C10orf67: variants seen among roughly 807,000 people sequenced by gnomAD.
C10orf67 encodes the protein chromosome 10 open reading frame 67, also known as uncharacterized protein C10orf67, mitochondrial.
In C10orf67, 60 loss-of-function variants were observed where a neutral mutation model predicts 35.6. The observed-to-expected ratio is 1.68, with a 90% confidence interval of 1.37 to 2.09. The LOEUF (loss-of-function observed/expected upper bound fraction) is 2.09. Among genes scored for constraint, C10orf67 ranks in the 30% most tolerant of loss-of-function variants. The pLI, the probability that C10orf67 is intolerant of heterozygous loss-of-function variation, is 0.00. For synonymous variants in C10orf67, 167 were observed against 115.8 expected, an observed-to-expected ratio of 1.44 and a Z score of -2.84; for missense variants, 474 against 330.2, an observed-to-expected ratio of 1.44 and a Z score of -3.38.
At chr10:23,303,599 G>T (rs1347056165) in intron 4 of C10orf67, 140 bp from the exon 5 acceptor site, 2 of 424,266 alleles carry the variant, frequency 4.7e-6, no homozygotes, top group Non-Finnish European at 8.4e-6. Flanking sequence ...TTTTGTGAAG[G>T]TTATTTTTGT....
chr10:23,292,545 G>A (rs527741631), intron 5 of C10orf67, among the ~76,000 whole-genome samples: 9 of 151,948 alleles, frequency 5.9e-5, no homozygotes, highest in Non-Finnish European at 1.2e-4. Context: ...AATTTCTCTC[G>A]ACTGATTTCC....
Position 23,227,072 on chromosome 10 carries a change from C to T in C10orf67, c.1435-3254G>A, listed in dbSNP as rs901489922. ...TCCAATCAATAGAAAAAGAGGGAAT[C>T]CTCCCTAACTCATTTTATGAGGCCA... On this transcript the variant is annotated intron_variant, in intron 13 of 15. Coordinates refer to ENST00000636213, the MANE Select transcript of C10orf67 (RefSeq NM_001371909.1). 3.3e-5 allele frequency among the ~76,000 whole-genome samples: 5 copies of T among 152,314 alleles called. No individual in the cohort carries two copies. The South Asian group carries it at 6.2e-4, about 19-fold the overall frequency.
Position 23,333,106 on chromosome 10 carries a change from G to T in C10orf67, c.283C>A (p.Leu95Met). Residue 95 changes from leucine (L) to methionine (M), a missense_variant, in exon 2 of 16, where the codon CTG (leucine) becomes ATG (methionine). Leu to Met is a conservative substitution (Grantham distance 15). Transcript: ENST00000636213. ...HATQTDSSEI[L>M]SVKELSSSTQ... The stretch of plus-strand genomic sequence containing the variant: ...GATGAACTCAATTCTTTTACTGACA[G>T]TATTTCACTGGAATCAGTTTGAGTG... 1 of 1,611,192 alleles carries T rather than the reference G, an allele frequency of 6.2e-7. No individual in the cohort carries two copies.
chr10:23,313,208 G>C (rs1396363163), intron 4 of C10orf67, among the ~76,000 whole-genome samples: 1 of 152,234 alleles, frequency 6.6e-6, no homozygotes, highest in Non-Finnish European at 1.5e-5. Context: ...AATGTGGACT[G>C]TAATTGCTAA....
At chr10:23,293,142 T>C (rs1843773262) in intron 5 of C10orf67, among the ~76,000 whole-genome samples, 1 of 152,210 alleles carries the variant, frequency 6.6e-6, no homozygotes, top group African/African-American at 2.4e-5. Context: ...AGAAGAACTA[T>C]TTGAATTCAT....
chr10:23,273,513 T>C (rs1843089217), intron 8 of C10orf67, among the ~76,000 whole-genome samples: 1 of 152,210 alleles, frequency 6.6e-6, no homozygotes, highest in African/African-American at 2.4e-5. Context: ...CTCATTGTAC[T>C]ATAGCATCAG....
intron 7 of C10orf67, among the ~76,000 whole-genome samples, chr10:23,284,720 C>A (rs929867573): frequency 9.4e-5 from 14 of 148,172 alleles, no homozygotes; most frequent in African/African-American, 2.5e-4. Flanking sequence ...AACAAACAAA[C>A]AAAAAAACCT....
chr10:23,334,366 C>T (rs1845592231), intron 1 of C10orf67, among the ~76,000 whole-genome samples: 2 of 152,170 alleles, frequency 1.3e-5, no homozygotes, highest in Admixed American at 1.3e-4. Context: ...TCAAACTTAC[C>T]ACAACTGTTT....
intron 4 of C10orf67, among the ~76,000 whole-genome samples, chr10:23,308,204 A>C (rs927925797): frequency 6.6e-6 from 1 of 152,108 alleles, no homozygotes; most frequent in Non-Finnish European, 1.5e-5. Flanking sequence ...TCTACCCCTA[A>C]TTCTGTACCA....
intron 1 of C10orf67, among the ~76,000 whole-genome samples, chr10:23,336,527 T>C (rs950362512): frequency 1.3e-5 from 2 of 152,206 alleles, no homozygotes; most frequent in Non-Finnish European, 2.9e-5. Context: ...TTTCAGTATA[T>C]TTTTTGAGAC....
intron 4 of C10orf67, chr10:23,317,407 C>T (rs1844768236): frequency 6.6e-6 from 1 of 152,210 alleles, no homozygotes; most frequent in Non-Finnish European, 1.5e-5. Flanking sequence ...TGGGCAGCTG[C>T]AGCTGCCTCT....
chr10:23,334,976 G>T (rs1405137305), intron 1 of C10orf67, among the ~76,000 whole-genome samples: 1 of 152,112 alleles, frequency 6.6e-6, no homozygotes, highest in Admixed American at 6.5e-5. Context: ...AGCACTTGAG[G>T]TCAGAAGTCT....
chr10:23,290,022 G>C, intron 6 of C10orf67, 64 bp from the exon 7 acceptor site: 2 of 709,660 alleles, frequency 2.8e-6, no homozygotes, highest in Non-Finnish European at 5.2e-6. Flanking sequence ...GTATTTAAAC[G>C]GCCTGCTTCA....
intron 13 of C10orf67, among the ~76,000 whole-genome samples, chr10:23,232,775 T>C (rs16923138): frequency 0.031 from 4,689 of 152,230 alleles, 231 homozygotes; most frequent in African/African-American, 0.11. Context: ...TCATTAACTA[T>C]GGAGGACAGA....
In C10orf67 at chr10:23,272,904, C is replaced by T. The variant is rs769292263; in HGVS notation, c.976-5650G>A. ...TATTATTAACTGTACATGTTTTATG[C>T]GTATTTTGCCATGTTTATCCATAAG... On this transcript the variant is annotated intron_variant, in intron 8 of 15. Transcript: ENST00000636213. Among the ~76,000 whole-genome samples the T allele has an allele frequency of 6.2e-4, 94 of 152,210 alleles. 1 individual carries two copies. The highest frequency in any genetic ancestry group is 2.2e-3 in the African/African-American group (90 of 41,540).
At position 23,344,793 on chromosome 10, in the gene C10orf67, T is replaced by C. The variant is rs958310314; in HGVS notation, c.-19A>G. ...AGGCCATCATAAGAGGAGAGCAGGC[T>C]GCCTAATAAGCTGTCTCCACCTGCC... On this transcript the variant is annotated 5_prime_UTR_variant, in exon 1 of 16. Coordinates refer to ENST00000636213, the MANE Select transcript of C10orf67 (RefSeq NM_001371909.1). The C allele has an allele frequency of 4.5e-6, 7 of 1,546,874 alleles. No homozygotes were observed. The African/African-American group carries it at 6.9e-5, about 15-fold the overall frequency.
At chr10:23,250,212 G>A (rs1842413205) in intron 12 of C10orf67, among the ~76,000 whole-genome samples, 1 of 152,210 alleles carries the variant, frequency 6.6e-6, no homozygotes, top group South Asian at 2.1e-4. Context: ...TATTAAGCGA[G>A]TGAGTCTGTC....
In C10orf67 at chr10:23,291,223, C is replaced by T. The variant is rs1440502457; in HGVS notation, c.759G>A (p.Leu253=). Reference sequence around the variant, plus strand: ...GCCTCTCATTTTCCACTTTGTACTCCAAATTTTCCTTTTCTAGGTTTGATT... The same window carrying T: ...GCCTCTCATTTTCCACTTTGTACTCTAAATTTTCCTTTTCTAGGTTTGATT... ...SPKSNLEKEN[L]EYKVENERLL... Residue 253 remains leucine (L), a synonymous_variant, in exon 6 of 16, where the codon TTG becomes TTA. Transcript: ENST00000636213. 2.8e-6 allele frequency: 2 copies of T among 716,708 alleles called. No homozygotes were observed. Among genetic ancestry groups the T allele is most frequent in the Admixed American group, 4.0e-5 (2 of 49,940 alleles). 44.4% of individuals were successfully genotyped at this position (716,708 alleles called of 1,614,324 possible). A position where few individuals can be genotyped will look rare whatever the true frequency, so the allele number is the denominator to read the frequency against.
chr10:23,205,832 A>G (rs1841143767), intron 15 of C10orf67, among the ~76,000 whole-genome samples: 1 of 152,228 alleles, frequency 6.6e-6, no homozygotes, highest in South Asian at 2.1e-4. Context: ...ATCATAAGGT[A>G]ATAAAATTCT....
Sources: allele counts gnomAD v4.1 joint callset (sites outside exome capture counted in the v4.1 genomes callset), GRCh38; gene constraint gnomAD v4.1.1; transcripts MANE v1.5; gene names NCBI Gene and HGNC (gene_info 2026-07-23, HGNC 2026-07-21).